SPR: variants seen among roughly 807,000 people sequenced by gnomAD.
The protein encoded by SPR is Sepiapterin reductase (L-erythro-7,8-dihydrobiopterin forming).
A neutral mutation model predicts 16.0 loss-of-function variants in SPR; 12 were observed. The ratio of observed to expected loss-of-function variants is 0.75; its 90% CI spans 0.48 to 1.22. The LOEUF (loss-of-function observed/expected upper bound fraction) is 1.22, where lower values mean the gene tolerates loss of function less well. Ranked by LOEUF, SPR falls within the 50% of genes most tolerant of loss-of-function variation. SPR has a pLI of 0.00. For synonymous variants in SPR, 177 were observed against 168.5 expected (o/e 1.05, Z -0.39); for missense variants, 324 against 344.4 (o/e 0.94, Z 0.47).
intron 2 of SPR, among the ~76,000 whole-genome samples, chr2:72,890,425 T>G (rs1670600353): frequency 6.6e-6 from 1 of 152,202 alleles, no homozygotes; most frequent in Non-Finnish European, 1.5e-5. Flanking sequence ...CACTGCAAGC[T>G]CCACCTCCCA....
At position 72,891,393 on chromosome 2, in the gene SPR, G is replaced by A. The variant is rs1553498588; in HGVS notation, c.642G>A (p.Val214=). Residue 214 remains valine, a synonymous_variant, in exon 3 of 3, where the codon GTG becomes GTA. Coordinates refer to ENST00000234454, the MANE Select transcript of SPR (RefSeq NM_003124.5). ...AGCAGTTGGCCCGGGAGACCTCCGT[G>A]GACCCAGACATGCGAAAAGGGCTGC... ...DMQQLARETS[V]DPDMRKGLQE... is the part of the protein sequence containing the mutation. 5 of 1,614,170 alleles carry A rather than the reference G, an allele frequency of 3.1e-6. No individual in the cohort carries two copies. The East Asian group carries it at 1.1e-4, about 36-fold the overall frequency.
At position 72,891,314 on chromosome 2, in the gene SPR, AT is replaced by A; in HGVS notation, c.596-32del. On this transcript the variant is annotated intron_variant, in intron 2 of 2. Transcript: ENST00000234454. ...GAAACCTTCTGTCCCTGCCTTGGCC[AT>A]GTTCCCTCATCGTCTCCTTTTCATC... 1.9e-6 allele frequency: 3 copies of A among 1,613,510 alleles called. No homozygotes were observed. In the East Asian group the frequency reaches 6.7e-5, roughly 36 times the overall value.
At chr2:72,888,688 C>G in intron 2 of SPR, 84 bp downstream of exon 2, 2 of 1,401,732 alleles carry the variant, frequency 1.4e-6, no homozygotes, top group Non-Finnish European at 1.9e-6. Flanking sequence ...AGTCCGCCCC[C>G]TCCAGGAAAC....
rs375516661 is a variant in SPR, at chr2:72,888,324, G to A, written c.315G>A (p.Gly105=). 1 of 1,614,182 alleles carries A rather than the reference G, an allele frequency of 6.2e-7. No homozygotes were observed. Residue 105 remains glycine (G), a synonymous_variant, in exon 2 of 3, where the codon GGG becomes GGA. Transcript: ENST00000234454. The part of the protein sequence containing the change: ...LLLINNAGSL[G]DVSKGFVDLS... The stretch of plus-strand genomic sequence containing the variant: ...GGGTTGGTTTTTCAGGCTCTCTTGG[G>A]GATGTGTCCAAAGGCTTCGTGGACC...
chr2:72,888,403 C>G lies in SPR; in HGVS notation c.394C>G (p.Leu132Val). The change falls in exon 2 of 3, where the codon CTC becomes GTC. Residue 132 changes from leucine (L) to valine (V), a missense_variant. Physicochemically the swap from Leu to Val is conservative, Grantham distance 32. Transcript: ENST00000234454. ...NYWALNLTSM[L>V]CLTSSVLKAF... is the part of the protein sequence containing the mutation. ...CTGGGCACTGAACTTGACCTCCATG[C>G]TCTGCCTGACTTCCAGCGTCCTGAA... The G allele has an allele frequency of 6.2e-7, 1 of 1,614,098 alleles. No individual in the cohort carries two copies. Among genetic ancestry groups the G allele is most frequent in the Non-Finnish European group, 8.5e-7 (1 of 1,179,960 alleles).
At chr2:72,888,047 AAACT>A (rs1410294775) in intron 1 of SPR, among the ~76,000 whole-genome samples, 1 of 151,898 alleles carries the variant, frequency 6.6e-6, no homozygotes, top group African/African-American at 2.4e-5. Flanking sequence ...CCAAACAAGT[AAACT>A]CTCTGCTTCT....
Position 72,891,754 on chromosome 2 carries a change from G to C in SPR, c.*217G>C. The C allele has an allele frequency of 1.6e-6, 1 of 609,212 alleles. No homozygotes were observed. Among genetic ancestry groups the C allele is most frequent in the South Asian group, 1.9e-5 (1 of 52,434 alleles). The allele number at this position is 609,212 out of a possible 1,614,324, so 37.7% of individuals were successfully genotyped here. A position where few individuals can be genotyped will look rare whatever the true frequency, so the allele number is the denominator to read the frequency against. On this transcript the variant is annotated 3_prime_UTR_variant, in exon 3 of 3. Transcript: ENST00000234454. ...TGTGCTGTGCACCCTGGGTTATAAG[G>C]AGGCTTAGGAGAGAGGTTATGGGTA...
At position 72,891,675 on chromosome 2, in the gene SPR, G is replaced by A; in HGVS notation, c.*138G>A. 1 of 1,022,206 alleles carries A rather than the reference G, an allele frequency of 9.8e-7. No homozygotes were observed. Among genetic ancestry groups the A allele is most frequent in the Non-Finnish European group, 1.5e-6 (1 of 679,698 alleles). The allele number at this position is 1,022,206 out of a possible 1,614,324, so 63.3% of individuals were successfully genotyped here. On this transcript the variant is annotated 3_prime_UTR_variant, in exon 3 of 3. Coordinates refer to ENST00000234454, the MANE Select transcript of SPR (RefSeq NM_003124.5). ...ATTCATGCCTGCTGCCCTGCCCTCA[G>A]GCACAGCCAGCTGTGAGCTCCCAGG...
In SPR at chr2:72,888,332, C is replaced by G. The variant is rs779376945; in HGVS notation, c.323C>G (p.Ser108Cys). ...INNAGSLGDV[S>C]KGFVDLSDST... ...TTTTCAGGCTCTCTTGGGGATGTGTCCAAAGGCTTCGTGGACCTGAGTGAC... is the reference window on the plus strand; with the variant it reads ...TTTTCAGGCTCTCTTGGGGATGTGTGCAAAGGCTTCGTGGACCTGAGTGAC... The change falls in exon 2 of 3, where the codon TCC becomes TGC. Residue 108 changes from serine (S) to cysteine (C), a missense_variant. Coordinates refer to ENST00000234454, the MANE Select transcript of SPR (RefSeq NM_003124.5). 1.2e-6 allele frequency: 2 copies of G among 1,614,152 alleles called. No homozygotes were observed. The highest frequency in any genetic ancestry group is 3.3e-5 in the Admixed American group (2 of 60,026).
Position 72,892,112 on chromosome 2 carries a change from G to A in SPR, c.*575G>A, listed in dbSNP as rs550861892. The A allele has an allele frequency of 3.8e-4, 63 of 166,096 alleles. No individual in the cohort carries two copies. The highest frequency in any genetic ancestry group is 3.2e-3 in the Middle Eastern group (1 of 310). The allele number at this position is 166,096 out of a possible 1,614,324, so 10.3% of individuals were successfully genotyped here. ...TGGGAGAAGGGGCTCCTGGGTGTCT[G>A]TATACACGCCAAAGGCAGATACAAA... On this transcript the variant is annotated 3_prime_UTR_variant, in exon 3 of 3. Coordinates refer to ENST00000234454, the MANE Select transcript of SPR (RefSeq NM_003124.5).
rs888988467 is a variant in SPR at position 72,887,557 on chromosome 2, G to T, written c.125G>T (p.Arg42Leu). ...GGCTCCGTGCTTGTCCTTAGCGCCCGCAACGACGAGGCACTGCGCCAGCTG... is the reference window on the plus strand; with the variant it reads ...GGCTCCGTGCTTGTCCTTAGCGCCCTCAACGACGAGGCACTGCGCCAGCTG... Reference protein sequence around the residue: ...SPGSVLVLSARNDEALRQLEA... With the variant: ...SPGSVLVLSALNDEALRQLEA... The change falls in exon 1 of 3, where the codon CGC becomes CTC. Residue 42 changes from arginine to leucine, a missense_variant. By Grantham distance (102) the Arg-to-Leu change is moderately radical. Transcript: ENST00000234454. 6 of 1,453,916 alleles carry T rather than the reference G, an allele frequency of 4.1e-6. No individual in the cohort carries two copies. Among genetic ancestry groups the T allele is most frequent in the African/African-American group, 1.5e-5 (1 of 67,814 alleles). 90.1% of individuals were successfully genotyped at this position (1,453,916 alleles called of 1,614,324 possible). A position where few individuals can be genotyped will look rare whatever the true frequency, so the allele number is the denominator to read the frequency against.
At chr2:72,890,802 G>C (rs189140042) in intron 2 of SPR, among the ~76,000 whole-genome samples, 118 of 152,370 alleles carry the variant, frequency 7.7e-4, no homozygotes, top group Non-Finnish European at 1.3e-3. Context: ...TCCTGCCTCA[G>C]CTTCCCAAAG....
rs747856047 is a variant in SPR, at chr2:72,891,576, T to A, written c.*39T>A. The stretch of plus-strand genomic sequence containing the variant: ...GCTTCCTGAACCTTTTTGCCCCCAC[T>A]TTTAGACATACCCCAGAGCCCTGTG... On this transcript the variant is annotated 3_prime_UTR_variant, in exon 3 of 3. Transcript: ENST00000234454. The A allele has an allele frequency of 1.8e-5, 29 of 1,611,188 alleles. No homozygotes were observed. The highest frequency in any genetic ancestry group is 2.3e-5 in the Non-Finnish European group (27 of 1,178,066).
intron 1 of SPR, 67 bp from the exon 2 acceptor site, chr2:72,888,247 C>G (rs1670570756): frequency 6.5e-7 from 1 of 1,529,236 alleles, no homozygotes; most frequent in South Asian, 1.1e-5. Context: ...TCTGGAGGAA[C>G]TTGGGAGGGC....
intron 2 of SPR, among the ~76,000 whole-genome samples, chr2:72,891,084 G>A (rs769513390): frequency 6.6e-6 from 1 of 152,178 alleles, no homozygotes; most frequent in Non-Finnish European, 1.5e-5. Flanking sequence ...AGGAGGTGGT[G>A]CTGGTTGGAC....
Position 72,892,052 on chromosome 2 carries a change from T to C in SPR, c.*515T>C. On this transcript the variant is annotated 3_prime_UTR_variant, in exon 3 of 3. Transcript: ENST00000234454. Reference sequence around the variant, plus strand: ...AACTTTGTGTCCTCACTCTGATGTCTCCTTCCTTCAGAATCTACCACCCCT... The same window carrying C: ...AACTTTGTGTCCTCACTCTGATGTCCCCTTCCTTCAGAATCTACCACCCCT... 5.9e-6 allele frequency: 1 copy of C among 168,768 alleles called. No homozygotes were observed. The highest frequency in any genetic ancestry group is 1.3e-5 in the Non-Finnish European group (1 of 76,510). The allele number at this position is 168,768 out of a possible 1,614,324, so 10.5% of individuals were successfully genotyped here.
At chr2:72,887,795 G>C in intron 1 of SPR, 59 bp downstream of exon 1, 2 of 1,426,722 alleles carry the variant, frequency 1.4e-6, no homozygotes, top group African/African-American at 1.5e-5. Context: ...TCCACCGCTG[G>C]GGAATTTAAG....
intron 2 of SPR, among the ~76,000 whole-genome samples, chr2:72,889,882 A>G (rs1233931442): frequency 6.6e-6 from 1 of 152,228 alleles, no homozygotes; most frequent in East Asian, 1.9e-4. Flanking sequence ...AAAGGCAGCA[A>G]GTCCTCTCTC....
chr2:72,889,981 C>T (rs1032069678), intron 2 of SPR, among the ~76,000 whole-genome samples: 7 of 152,200 alleles, frequency 4.6e-5, no homozygotes, highest in Admixed American at 3.9e-4. Flanking sequence ...GTTCTGCCCT[C>T]GAGGACCATT....
Sources: allele counts gnomAD v4.1 joint callset (sites outside exome capture counted in the v4.1 genomes callset), GRCh38; gene constraint gnomAD v4.1.1; transcripts MANE v1.5; gene names NCBI Gene and HGNC (gene_info 2026-07-23, HGNC 2026-07-21).